Variants in PIK3AP1 observed in about 807,000 individuals in gnomAD.
PIK3AP1 encodes phosphoinositide-3-kinase adaptor protein 1.
Under a neutral mutation model 88.1 loss-of-function variants are expected in PIK3AP1, and 21 were observed. That is an observed-to-expected ratio of 0.24 (90% confidence interval 0.17 to 0.34). The LOEUF is 0.34. PIK3AP1 is among the 10% of genes least tolerant of loss of function. The pLI is 1.00. For synonymous variants in PIK3AP1, 398 were observed against 400.0 expected, an observed-to-expected ratio of 1.00 and a Z score of 0.06; for missense variants, 828 against 1,035.7, an observed-to-expected ratio of 0.80 and a Z score of 2.75.
At chr10:96,644,706 C>A (rs1317872570) in intron 8 of PIK3AP1, among the ~76,000 whole-genome samples, 2 of 152,142 alleles carry the variant, frequency 1.3e-5, no homozygotes, top group African/African-American at 4.8e-5. Flanking sequence ...TATATTAATG[C>A]AATAAAATCA....
intron 3 of PIK3AP1, among the ~76,000 whole-genome samples, chr10:96,656,484 T>C (rs936543717): frequency 1.5e-4 from 23 of 152,226 alleles, no homozygotes; most frequent in African/African-American, 5.1e-4. Flanking sequence ...CACAGGCCTC[T>C]AACTTTAGGG....
At position 96,709,796 on chromosome 10, in the gene PIK3AP1, G is replaced by A. The variant is rs767322969; in HGVS notation, c.201C>T (p.Val67=). 10 of 1,613,454 alleles carry A rather than the reference G, an allele frequency of 6.2e-6. No individual in the cohort carries two copies. In the East Asian group the frequency reaches 6.7e-5, roughly 11 times the overall value. Residue 67 remains valine, a synonymous_variant, in exon 2 of 17, where the codon GTC becomes GTT. Coordinates refer to ENST00000339364, the MANE Select transcript of PIK3AP1 (RefSeq NM_152309.3). ...CCAGCTCCGCGGACAGCAGCACCACGACACAGCGGGTGCTGAGGAAAAGGC... is the reference window on the plus strand; with the variant it reads ...CCAGCTCCGCGGACAGCAGCACCACAACACAGCGGGTGCTGAGGAAAAGGC... ...DLSLFLSTRC[V]VVLLSAELVQ... is the part of the protein sequence containing the mutation.
At chr10:96,647,027 GT>G (rs1044117381) in intron 7 of PIK3AP1, among the ~76,000 whole-genome samples, 3 of 152,146 alleles carry the variant, frequency 2.0e-5, no homozygotes, top group Admixed American at 2.0e-4. Flanking sequence ...CTCACCTTTG[GT>G]TTTGATGTGG....
At chr10:96,705,348 C>A (rs1844347783) in intron 2 of PIK3AP1, among the ~76,000 whole-genome samples, 1 of 152,028 alleles carries the variant, frequency 6.6e-6, no homozygotes, top group Non-Finnish European at 1.5e-5. Flanking sequence ...AACCCTGGCC[C>A]CAAAGCTAAA....
chr10:96,682,011 TATAGAGAG>T (rs1337372431), intron 2 of PIK3AP1, among the ~76,000 whole-genome samples: 3,666 of 130,862 alleles, frequency 0.028, 69 homozygotes, highest in Non-Finnish European at 0.035. Flanking sequence ...TATATATATA[TATAGAGAG>T]AGAGAGAGAG....
intron 8 of PIK3AP1, among the ~76,000 whole-genome samples, chr10:96,635,378 G>A (rs941122710): frequency 6.6e-6 from 1 of 152,136 alleles, no homozygotes; most frequent in African/African-American, 2.4e-5. Flanking sequence ...CTCTAGATGT[G>A]CACTGCCTTA....
rs1470203950 is a variant in PIK3AP1, at chr10:96,670,173, AAG to A, written c.431-13241_431-13240del. The stretch of plus-strand genomic sequence containing the variant: ...ACTCCATCAAAAAAAAAAAAAAAAA[AAG>A]AGAGAGAGAGAGAGACAGAAAAGTG... On this transcript the variant is annotated intron_variant, in intron 2 of 16. Coordinates refer to ENST00000339364, the MANE Select transcript of PIK3AP1 (RefSeq NM_152309.3). Among the ~76,000 whole-genome samples the A allele has an allele frequency of 6.3e-3, 889 of 141,722 alleles. 191 individuals carry two copies. The highest frequency in any genetic ancestry group is 0.05 in the Middle Eastern group (13 of 262). The allele number at this position is 141,722 out of a possible 152,430, so 93.0% of individuals were successfully genotyped here.
At chr10:96,678,442 AT>A (rs1316239469) in intron 2 of PIK3AP1, among the ~76,000 whole-genome samples, 2 of 149,788 alleles carry the variant, frequency 1.3e-5, no homozygotes, top group African/African-American at 4.9e-5. Flanking sequence ...CTCAAAAAAA[AT>A]TTTTTTTGTA....
chr10:96,609,433 T>C (rs1336575167), intron 14 of PIK3AP1, among the ~76,000 whole-genome samples: 5 of 152,230 alleles, frequency 3.3e-5, no homozygotes, highest in Admixed American at 3.3e-4. Context: ...TAAAGAGGCT[T>C]AGAATATAGT....
intron 2 of PIK3AP1, among the ~76,000 whole-genome samples, chr10:96,686,541 A>C (rs1275268355): frequency 6.6e-6 from 1 of 152,200 alleles, no homozygotes; most frequent in Non-Finnish European, 1.5e-5. Flanking sequence ...ATAAAGAAGA[A>C]AGACAAAAAA....
chr10:96,627,013 CT>C (rs1843163927), intron 9 of PIK3AP1, 108 bp from the exon 10 acceptor site: 16 of 1,041,184 alleles, frequency 1.5e-5, no homozygotes, highest in East Asian at 7.2e-5. Context: ...GTGCTGCCCC[CT>C]GGCAAAGGAC....
At chr10:96,649,189 G>C (rs1475542122) in intron 6 of PIK3AP1, among the ~76,000 whole-genome samples, 2 of 152,122 alleles carry the variant, frequency 1.3e-5, no homozygotes, top group African/African-American at 4.8e-5. Context: ...TAGGATTACA[G>C]CTGTGCATCA....
intron 3 of PIK3AP1, among the ~76,000 whole-genome samples, chr10:96,656,434 T>G (rs1564972931): frequency 6.6e-6 from 1 of 152,232 alleles, no homozygotes; most frequent in African/African-American, 2.4e-5. Context: ...ATGCCCAAGA[T>G]GCATTTCCTT....
At chr10:96,672,751 C>A (rs1843864548) in intron 2 of PIK3AP1, among the ~76,000 whole-genome samples, 1 of 152,232 alleles carries the variant, frequency 6.6e-6, no homozygotes, top group Admixed American at 6.5e-5. Context: ...AGTCCTCTCC[C>A]AGCTGGGGCT....
intron 2 of PIK3AP1, among the ~76,000 whole-genome samples, chr10:96,691,468 T>C (rs1446264477): frequency 2.5e-5 from 3 of 117,826 alleles, no homozygotes; most frequent in African/African-American, 1.3e-4. Flanking sequence ...GCTATGATTG[T>C]ACAGTTGGGT....
At chr10:96,646,690 C>T (rs530254940) in intron 7 of PIK3AP1, among the ~76,000 whole-genome samples, 1 of 152,194 alleles carries the variant, frequency 6.6e-6, no homozygotes, top group South Asian at 2.1e-4. Context: ...GGGTTCCAGC[C>T]TCGATTTTAT....
chr10:96,709,719 T>C lies in PIK3AP1; in HGVS notation c.278A>G (p.His93Arg), dbSNP rs1191886718. The C allele has an allele frequency of 6.2e-7, 1 of 1,614,168 alleles. No homozygotes were observed. The change falls in exon 2 of 17, where the codon CAT (histidine) becomes CGT (arginine). Residue 93 changes from histidine (H) to arginine (R), a missense_variant. His to Arg is a conservative substitution (Grantham distance 29). Transcript: ENST00000339364. ...ALLPLLQRAF[H>R]PPHRVVRLLC... The stretch of plus-strand genomic sequence containing the variant: ...CAGCCTGACCACGCGGTGCGGAGGA[T>C]GGAAAGCTCTCTGCAGCAGGGGCAG...
rs1037253643 is a variant in PIK3AP1 at position 96,597,254 on chromosome 10, T to C, written c.2361-1620A>G. ...GCCTGCCCACCTCTCTGCCTTCTTT[T>C]TTTCTTTCTTTCTTTCTTTCCTTCC... On this transcript the variant is annotated intron_variant, in intron 16 of 16. Transcript: ENST00000339364. Among the ~76,000 whole-genome samples the C allele has an allele frequency of 1.2e-4, 17 of 143,706 alleles. No individual in the cohort carries two copies. In the East Asian group the frequency reaches 1.2e-3, roughly 10 times the overall value. 94.3% of individuals were successfully genotyped at this position (143,706 alleles called of 152,430 possible).
chr10:96,671,499 A>G (rs1006318080), intron 2 of PIK3AP1, among the ~76,000 whole-genome samples: 2 of 152,104 alleles, frequency 1.3e-5, no homozygotes, highest in African/African-American at 4.8e-5. Flanking sequence ...AGCTACCCCC[A>G]AAGTCACATA....
Sources: gnomAD v4.1 joint callset for allele counts (sites outside exome capture counted in the v4.1 genomes callset) on GRCh38, gnomAD v4.1.1 for gene constraint, MANE v1.5 for transcripts, NCBI Gene and HGNC (gene_info 2026-07-23, HGNC 2026-07-21) for gene names.